Variants in PGAP4 observed in about 807,000 individuals in gnomAD.
PGAP4 encodes post-GPI attachment to proteins GalNAc transferase 4, also known as GPI-N-acetylgalactosamine transferase PGAP4.
Under a neutral mutation model 28.2 loss-of-function variants are expected in PGAP4, and 12 were observed. That is an observed-to-expected ratio of 0.42 (90% confidence interval 0.27 to 0.69). PGAP4 has a LOEUF of 0.69. PGAP4 is among the 30% of genes least tolerant of loss of function. The pLI, the probability that PGAP4 is intolerant of heterozygous loss-of-function variation, is 0.22. For synonymous variants in PGAP4, 205 were observed against 211.8 expected (o/e 0.97, Z 0.28); for missense variants, 425 against 513.5 (o/e 0.83, Z 1.67).
At chr9:101,501,885 T>C (rs1826804380) in intron 2 of PGAP4, 1 of 430,908 alleles carries the variant, frequency 2.3e-6, no homozygotes, top group South Asian at 1.8e-5. Context: ...TGGTGGAACA[T>C]GTTTGCGGCA....
At chr9:101,511,318 T>C (rs1826896550) in intron 2 of PGAP4, among the ~76,000 whole-genome samples, 1 of 152,042 alleles carries the variant, frequency 6.6e-6, no homozygotes, top group Non-Finnish European at 1.5e-5. Context: ...CCAGTCCAGG[T>C]AGCAGGGAGC....
chr9:101,526,000 T>G (rs1300511399), intron 2 of PGAP4, among the ~76,000 whole-genome samples: 1 of 152,218 alleles, frequency 6.6e-6, no homozygotes. Flanking sequence ...AAACCTGGAA[T>G]AGCTGAATCA....
chr9:101,500,082 T>G (rs1344479844), intron 2 of PGAP4, among the ~76,000 whole-genome samples: 1 of 152,034 alleles, frequency 6.6e-6, no homozygotes, highest in Non-Finnish European at 1.5e-5. Context: ...CAGAATTATG[T>G]TTTGCATGTA....
chr9:101,506,195 C>A (rs1188826006), intron 2 of PGAP4, among the ~76,000 whole-genome samples: 2 of 152,056 alleles, frequency 1.3e-5, no homozygotes, highest in East Asian at 3.9e-4. Flanking sequence ...CTGTGGAAAA[C>A]TATAGTAAGC....
intron 2 of PGAP4, among the ~76,000 whole-genome samples, chr9:101,493,074 G>A (rs1826705478): frequency 6.6e-6 from 1 of 151,934 alleles, no homozygotes; most frequent in South Asian, 2.1e-4. Flanking sequence ...CCAACATGGT[G>A]AAAACCCGTC....
At chr9:101,503,681 A>T (rs1015473568) in intron 2 of PGAP4, among the ~76,000 whole-genome samples, 1 of 151,994 alleles carries the variant, frequency 6.6e-6, no homozygotes, top group Non-Finnish European at 1.5e-5. Context: ...GAGGTAAGAG[A>T]GGTGGTAACC....
At chr9:101,509,793 C>T (rs762970267) in intron 2 of PGAP4, among the ~76,000 whole-genome samples, 4 of 152,114 alleles carry the variant, frequency 2.6e-5, no homozygotes, top group Non-Finnish European at 4.4e-5. Context: ...ATGGATGACA[C>T]GGTGCTTCTG....
intron 2 of PGAP4, among the ~76,000 whole-genome samples, chr9:101,520,928 G>A (rs929358828): frequency 6.6e-6 from 1 of 152,162 alleles, no homozygotes; most frequent in East Asian, 1.9e-4. Flanking sequence ...TGGTCATAAA[G>A]GGATCCTGGA....
chr9:101,497,624 C>G (rs56205348), intron 2 of PGAP4, among the ~76,000 whole-genome samples: 1 of 151,028 alleles, frequency 6.6e-6, no homozygotes, highest in Non-Finnish European at 1.5e-5. Flanking sequence ...ACCAGTAAAC[C>G]CAGGCGAAAA....
intron 2 of PGAP4, among the ~76,000 whole-genome samples, chr9:101,521,416 T>C (rs1415673913): frequency 1.3e-5 from 2 of 152,136 alleles, no homozygotes; most frequent in South Asian, 2.1e-4. Context: ...TCAGGGTTTC[T>C]AATTCTTTCT....
chr9:101,515,310 G>T (rs1246399773), intron 2 of PGAP4, among the ~76,000 whole-genome samples: 2 of 151,602 alleles, frequency 1.3e-5, no homozygotes, highest in Non-Finnish European at 2.9e-5. Context: ...TTCTTCTTTG[G>T]CCTTTTTGCC....
chr9:101,511,864 TG>T (rs1826901338), intron 2 of PGAP4, among the ~76,000 whole-genome samples: 1 of 152,156 alleles, frequency 6.6e-6, no homozygotes, highest in Non-Finnish European at 1.5e-5. Context: ...GTTTTCTGGA[TG>T]GGTCAGACCT....
intron 1 of PGAP4, among the ~76,000 whole-genome samples, chr9:101,482,700 T>C (rs904957028): frequency 6.6e-6 from 1 of 152,172 alleles, no homozygotes; most frequent in Non-Finnish European, 1.5e-5. Context: ...AACTCAACCA[T>C]CAAGAATTAG....
chr9:101,476,660 T>C lies in PGAP4; in HGVS notation c.433A>G (p.Asn145Asp), dbSNP rs757451040. 12 of 1,614,188 alleles carry C rather than the reference T, an allele frequency of 7.4e-6. No homozygotes were observed. The South Asian group carries it at 1.3e-4, about 18-fold the overall frequency. Reference sequence around the variant, plus strand: ...AAATGGCTCACACTACGCTCCACGTTGCACAGGAAGAGTTGGTGCCCCTCG... The same window carrying C: ...AAATGGCTCACACTACGCTCCACGTCGCACAGGAAGAGTTGGTGCCCCTCG... Reference protein sequence around the residue: ...QCEGHQLFLCNVERSVSHFDA... With the variant: ...QCEGHQLFLCDVERSVSHFDA... Residue 145 changes from asparagine to aspartate, a missense_variant, in exon 2 of 2, where the codon AAC (asparagine) becomes GAC (aspartate). Transcript: ENST00000374848. This position sits in a 1 kb window ranked among gnomAD's most constrained non-coding sequence, Gnocchi z 7.0.
chr9:101,516,452 G>T (rs910932646), intron 2 of PGAP4, among the ~76,000 whole-genome samples: 1 of 152,040 alleles, frequency 6.6e-6, no homozygotes, highest in African/African-American at 2.4e-5. Context: ...ATTACTGTTT[G>T]TTTTCCATGT....
At chr9:101,504,209 G>GTTTTTTTTTTTTTTTTTTTT (rs3081858) in intron 2 of PGAP4, among the ~76,000 whole-genome samples, 2 of 22,692 alleles carry the variant, frequency 8.8e-5, no homozygotes, top group Non-Finnish European at 1.6e-4. Context: ...GTGTGTGTTT[G>GTTTTTTTTTTTTTTTTTTTT]TTTTTTTTTT....
At chr9:101,526,996 C>T (rs569979349) in intron 2 of PGAP4, among the ~76,000 whole-genome samples, 4 of 152,164 alleles carry the variant, frequency 2.6e-5, no homozygotes, top group Non-Finnish European at 5.9e-5. Flanking sequence ...TTTATAAATG[C>T]CTTTGGGAGG....
chr9:101,501,351 GAAC>G (rs1826796730), intron 2 of PGAP4, among the ~76,000 whole-genome samples: 1 of 152,062 alleles, frequency 6.6e-6, no homozygotes, highest in Non-Finnish European at 1.5e-5. Flanking sequence ...TCTGATGGCT[GAAC>G]AACATGGTAC....
intron 2 of PGAP4, among the ~76,000 whole-genome samples, chr9:101,511,111 C>T (rs1177708177): frequency 6.6e-6 from 1 of 152,176 alleles, no homozygotes; most frequent in Non-Finnish European, 1.5e-5. Context: ...AAACCTAGAT[C>T]CCTCACATGT....
Sources: gnomAD v4.1 joint callset for allele counts (sites outside exome capture counted in the v4.1 genomes callset) on GRCh38, gnomAD v4.1.1 for gene constraint, Gnocchi (gnomAD v3.1) non-coding constraint, MANE v1.5 for transcripts, NCBI Gene and HGNC (gene_info 2026-07-23, HGNC 2026-07-21) for gene names.